The following TPST2 variants were observed in gnomAD, a reference collection of about 807,000 sequenced individuals.
TPST2 encodes protein-tyrosine sulfotransferase 2.
A neutral mutation model predicts 27.8 loss-of-function variants in TPST2; 16 were observed. The observed-to-expected ratio is 0.58, with a 90% CI of 0.39 to 0.88. The LOEUF (loss-of-function observed/expected upper bound fraction) is 0.88, where lower values mean the gene tolerates loss of function less well. Ranked by LOEUF, TPST2 falls within the 40% of genes least tolerant of loss-of-function variation. TPST2 has a pLI of 0.00. For missense variants in TPST2, 464 were observed against 543.1 expected (o/e 0.85, Z 1.45); for synonymous variants, 229 against 231.7 (o/e 0.99, Z 0.10).
intron 5 of TPST2, among the ~76,000 whole-genome samples, chr22:26,530,290 A>G (rs1925081211): frequency 6.6e-6 from 1 of 152,038 alleles, no homozygotes; most frequent in East Asian, 1.9e-4. Flanking sequence ...CATTAGTTGC[A>G]ATTGTATAGT....
chr22:26,527,723 A>G (rs1407035543), intron 6 of TPST2, among the ~76,000 whole-genome samples: 2 of 152,190 alleles, frequency 1.3e-5, no homozygotes, highest in Admixed American at 6.5e-5. Context: ...CCGCCTCCCA[A>G]GGATGCTGAG....
At chr22:26,576,735 C>G (rs1224499327) in intron 1 of TPST2, among the ~76,000 whole-genome samples, 2 of 151,828 alleles carry the variant, frequency 1.3e-5, no homozygotes, top group Non-Finnish European at 2.9e-5. Flanking sequence ...TTTTGGGAGG[C>G]TGAGGTGGGA....
intron 1 of TPST2, among the ~76,000 whole-genome samples, chr22:26,571,124 T>C (rs893647213): frequency 5.9e-5 from 9 of 152,188 alleles, no homozygotes; most frequent in Non-Finnish European, 1.0e-4. Context: ...CAGTCCTCAT[T>C]TGCCTTACAG....
At chr22:26,560,529 A>G (rs9613210) in intron 1 of TPST2, 365,230 of 826,414 alleles carry the variant, frequency 0.44, 82,806 homozygotes, top group East Asian at 0.54. Context: ...ACTAAACATG[A>G]GCAAAGGAGA....
At chr22:26,546,385 C>T (rs73160902) in intron 1 of TPST2, among the ~76,000 whole-genome samples, 3 of 152,230 alleles carry the variant, frequency 2.0e-5, no homozygotes, top group Admixed American at 6.5e-5. Flanking sequence ...GAGGCCTGCT[C>T]TCTTGGAATA....
chr22:26,533,531 T>G (rs1047910016), intron 4 of TPST2, among the ~76,000 whole-genome samples: 1 of 152,004 alleles, frequency 6.6e-6, no homozygotes, highest in Non-Finnish European at 1.5e-5. Flanking sequence ...GAAAAAGCAC[T>G]CCAGGCAGAG....
At chr22:26,550,387 G>A (rs891753529) in intron 1 of TPST2, among the ~76,000 whole-genome samples, 3 of 152,188 alleles carry the variant, frequency 2.0e-5, no homozygotes, top group Non-Finnish European at 4.4e-5. Context: ...TTCCCCAGGG[G>A]TTAAAGAAGG....
At chr22:26,529,351 A>T (rs1347046827) in intron 5 of TPST2, among the ~76,000 whole-genome samples, 1 of 152,094 alleles carries the variant, frequency 6.6e-6, no homozygotes, top group Non-Finnish European at 1.5e-5. Context: ...GCTGGTTTTG[A>T]ACTGCTGACC....
intron 2 of TPST2, among the ~76,000 whole-genome samples, chr22:26,542,042 G>C (rs1318597909): frequency 6.6e-6 from 1 of 151,454 alleles, no homozygotes. Flanking sequence ...AGGAGATCGA[G>C]ACCATCCTGG....
At chr22:26,535,982 C>T (rs1925434697) in intron 4 of TPST2, 6 of 460,752 alleles carry the variant, frequency 1.3e-5, no homozygotes, top group South Asian at 1.2e-4. Flanking sequence ...AAACAAATAG[C>T]CAGGGAAATA....
At chr22:26,577,220 A>C (rs1927880040) in intron 1 of TPST2, among the ~76,000 whole-genome samples, 1 of 149,888 alleles carries the variant, frequency 6.7e-6, no homozygotes, top group Non-Finnish European at 1.5e-5. Context: ...AGCTATGATC[A>C]TGCCACCGCA....
chr22:26,536,166 G>A (rs1419330780), intron 4 of TPST2, 122 bp downstream of exon 4: 1 of 1,267,168 alleles, frequency 7.9e-7, no homozygotes, highest in Non-Finnish European at 1.1e-6. Flanking sequence ...CATCAGACAG[G>A]AACAAATCAG....
chr22:26,534,189 C>T (rs931618491), intron 4 of TPST2, among the ~76,000 whole-genome samples: 13 of 152,252 alleles, frequency 8.5e-5, no homozygotes, highest in African/African-American at 3.1e-4. Context: ...ATTTCATCAG[C>T]ATAGATGTCC....
At chr22:26,585,951 G>C (rs1928328914) in intron 1 of TPST2, among the ~76,000 whole-genome samples, 1 of 152,144 alleles carries the variant, frequency 6.6e-6, no homozygotes, top group Non-Finnish European at 1.5e-5. Flanking sequence ...GCTGAGGCAG[G>C]AGAATGGCGT....
chr22:26,527,883 C>T (rs1197899552), intron 6 of TPST2, among the ~76,000 whole-genome samples: 1 of 152,216 alleles, frequency 6.6e-6, no homozygotes, highest in Admixed American at 6.5e-5. Flanking sequence ...AGACAGCATT[C>T]TGTGCAAAAA....
At chr22:26,529,837 A>C (rs1365532358) in intron 5 of TPST2, among the ~76,000 whole-genome samples, 1 of 151,568 alleles carries the variant, frequency 6.6e-6, no homozygotes, top group Non-Finnish European at 1.5e-5. Context: ...TTTTGTAGGG[A>C]GATGGGGTCT....
At chr22:26,554,366 C>G (rs1418655282) in intron 1 of TPST2, among the ~76,000 whole-genome samples, 1 of 152,186 alleles carries the variant, frequency 6.6e-6, no homozygotes, top group Non-Finnish European at 1.5e-5. Flanking sequence ...CAGAGGGCCC[C>G]TGCCTGGTAA....
In TPST2 at chr22:26,539,608, A is replaced by G. The variant is rs921376388; in HGVS notation, c.842+1181T>C. Among the ~76,000 whole-genome samples, 8 of 151,856 alleles carry G rather than the reference A, an allele frequency of 5.3e-5. No homozygotes were observed. In the East Asian group the frequency reaches 9.6e-4, roughly 18 times the overall value. On this transcript the variant is annotated intron_variant, in intron 3 of 6. Transcript: ENST00000338754. ...TGAGATCTCATCTCTACTAGGAAAA[A>G]AAAAAAAAAAATGAGCTGGGTGTGG...
intron 1 of TPST2, among the ~76,000 whole-genome samples, chr22:26,552,607 A>G (rs746266968): frequency 6.6e-6 from 1 of 152,184 alleles, no homozygotes; most frequent in Non-Finnish European, 1.5e-5. Flanking sequence ...GTGGGCCACA[A>G]GAGCTCCACT....
Sources: gnomAD v4.1 joint callset for allele counts (sites outside exome capture counted in the v4.1 genomes callset) on GRCh38, gnomAD v4.1.1 for gene constraint, MANE v1.5 for transcripts, NCBI Gene and HGNC (gene_info 2026-07-23, HGNC 2026-07-21) for gene names.